FANCB: variants seen among roughly 807,000 people sequenced by gnomAD.
The protein encoded by FANCB is FA complementation group B.
Under a neutral mutation model 38.9 loss-of-function variants are expected in FANCB, and 5 were observed. The observed-to-expected ratio is 0.13, with a 90% CI of 0.07 to 0.27. FANCB has a LOEUF of 0.27. FANCB is among the 10% of genes least tolerant of loss of function. The pLI is 1.00. For missense variants in FANCB, 573 were observed against 602.7 expected (o/e 0.95, Z 0.52); for synonymous variants, 236 against 215.4 (o/e 1.10, Z -0.84).
At chrX:14,765,449 T>C in the FANCB span, among the ~76,000 whole-genome samples, 1 of 112,459 alleles carries the variant, frequency 8.9e-6, no homozygotes, top group Non-Finnish European at 1.9e-5. Flanking sequence ...GTCTTTTTTA[T>C]GAGATACAAT....
At chrX:14,786,851 C>T in the FANCB span, among the ~76,000 whole-genome samples, 1 of 111,418 alleles carries the variant, frequency 9.0e-6, no homozygotes, top group Non-Finnish European at 1.9e-5. Flanking sequence ...AGGTTTATGA[C>T]ATAACACCAG....
the FANCB span, among the ~76,000 whole-genome samples, chrX:14,810,150 C>T: frequency 8.1e-5 from 9 of 111,294 alleles, no homozygotes; most frequent in Non-Finnish European, 1.5e-4. Context: ...GGCATCCCCA[C>T]CAAAAACCCA....
chrX:14,854,743 C>T (rs1296052633), intron 5 of FANCB, among the ~76,000 whole-genome samples: 3 of 111,210 alleles, frequency 2.7e-5, no homozygotes, highest in African/African-American at 9.8e-5. Context: ...ATAATGAAGC[C>T]GACACCCATG....
intron 3 of FANCB, among the ~76,000 whole-genome samples, chrX:14,860,015 C>T (rs1043673937): frequency 2.7e-5 from 3 of 111,431 alleles, no homozygotes; most frequent in Non-Finnish European, 3.8e-5. Flanking sequence ...CCTAGCCTCA[C>T]GGAATGATTT....
chrX:14,725,540 G>T, the FANCB span, among the ~76,000 whole-genome samples: 1 of 111,849 alleles, frequency 8.9e-6, no homozygotes, highest in South Asian at 3.7e-4. Context: ...GCGATGGAAA[G>T]ATTTTTAGGA....
At chrX:14,743,280 C>A in the FANCB span, among the ~76,000 whole-genome samples, 2 of 111,590 alleles carry the variant, frequency 1.8e-5, no homozygotes, top group Non-Finnish European at 3.8e-5. Context: ...ATGAGATTTG[C>A]CCCACCTCCC....
chrX:14,732,681 T>C, the FANCB span, among the ~76,000 whole-genome samples: 2 of 112,386 alleles, frequency 1.8e-5, no homozygotes, highest in Admixed American at 9.4e-5. Flanking sequence ...AAATATCTTC[T>C]TTTGAGAAGT....
chrX:14,696,324 A>G, the FANCB span, among the ~76,000 whole-genome samples: 14 of 110,533 alleles, frequency 1.3e-4, no homozygotes, highest in African/African-American at 4.3e-4. Context: ...AGGGGAAAAC[A>G]CGGAAGAGAC....
chrX:14,855,606 T>C (rs1287079319), intron 5 of FANCB, among the ~76,000 whole-genome samples: 1 of 112,292 alleles, frequency 8.9e-6, no homozygotes, highest in Non-Finnish European at 1.9e-5. Flanking sequence ...ATCTATTGAG[T>C]TTTTTATTTC....
At chrX:14,787,836 A>G in the FANCB span, among the ~76,000 whole-genome samples, 1 of 96,514 alleles carries the variant, frequency 1.0e-5, no homozygotes, top group African/African-American at 3.8e-5. Flanking sequence ...ACAAGACAAA[A>G]ATAGTAATAA....
At position 14,859,188 on chromosome X, in the gene FANCB, G is replaced by C. The variant is rs369863081; in HGVS notation, c.1098C>G (p.Asn366Lys). The C allele has an allele frequency of 2.5e-6, 3 of 1,182,665 alleles. No individual in the cohort carries two copies. The highest frequency in any genetic ancestry group is 3.4e-6 in the Non-Finnish European group (3 of 872,330). ...SFKITDLGKI[N>K]YSSEPSDCNE... The stretch of plus-strand genomic sequence containing the variant: ...ATAAGTAAATAGAACTTACCGAATA[G>C]TTTATTTTTCCAAGATCCGTTATTT... The change falls in exon 4 of 10, where the codon AAC becomes AAG. Residue 366 changes from asparagine (N) to lysine (K), a missense_variant. Asn to Lys is a moderately conservative substitution (Grantham distance 94). Coordinates refer to ENST00000650831, the MANE Select transcript of FANCB (RefSeq NM_001018113.3).
the FANCB span, among the ~76,000 whole-genome samples, chrX:14,744,320 A>G: frequency 8.9e-6 from 1 of 112,351 alleles, no homozygotes; most frequent in South Asian, 3.7e-4. Flanking sequence ...ATGAGACTGA[A>G]CTTAGTTAAT....
the FANCB span, among the ~76,000 whole-genome samples, chrX:14,814,383 C>G: frequency 1.3e-4 from 15 of 112,213 alleles, no homozygotes; most frequent in Non-Finnish European, 2.4e-4. Context: ...TCAGAGTGAA[C>G]AGGCAACCTA....
the FANCB span, among the ~76,000 whole-genome samples, chrX:14,812,220 C>G: frequency 1.8e-5 from 2 of 110,501 alleles, no homozygotes; most frequent in Non-Finnish European, 3.8e-5. Context: ...CAGGAAAGAT[C>G]CAAAATTGAC....
At chrX:14,725,311 A>G in the FANCB span, among the ~76,000 whole-genome samples, 1 of 112,029 alleles carries the variant, frequency 8.9e-6, no homozygotes, top group Admixed American at 9.5e-5. Context: ...TCTTATATCC[A>G]GGTCTGTGAT....
At chrX:14,823,476 C>T in the FANCB span, among the ~76,000 whole-genome samples, 1 of 111,827 alleles carries the variant, frequency 8.9e-6, no homozygotes, top group Non-Finnish European at 1.9e-5. Context: ...ATAAAACCAA[C>T]AAATTGTTTC....
the FANCB span, among the ~76,000 whole-genome samples, chrX:14,821,993 A>G: frequency 1.8e-5 from 2 of 111,933 alleles, no homozygotes; most frequent in South Asian, 7.5e-4. Context: ...GAAGGGAAGA[A>G]GAGCACCTCA....
chrX:14,851,965 G>C (rs1047491884), intron 6 of FANCB, among the ~76,000 whole-genome samples: 2 of 111,858 alleles, frequency 1.8e-5, no homozygotes, highest in Non-Finnish European at 3.8e-5. Context: ...AAGGAAGTCA[G>C]AGCTAGGCAC....
At chrX:14,745,687 A>ATTTTT in the FANCB span, among the ~76,000 whole-genome samples, 1 of 29,219 alleles carries the variant, frequency 3.4e-5, no homozygotes, top group Non-Finnish European at 5.7e-5. Flanking sequence ...AAACTCTGGA[A>ATTTTT]TTTTTTTTTT....
Sources: allele counts gnomAD v4.1 joint callset (sites outside exome capture counted in the v4.1 genomes callset), GRCh38; gene constraint gnomAD v4.1.1; transcripts MANE v1.5; gene names NCBI Gene and HGNC (gene_info 2026-07-23, HGNC 2026-07-21).